Variants in SCIN observed in about 807,000 individuals in gnomAD.
The protein encoded by SCIN is scinderin.
SCIN carries 91 observed loss-of-function variants against 91.8 expected under a neutral mutation model. That is an observed-to-expected ratio of 0.99 (90% confidence interval 0.84 to 1.18). SCIN has a LOEUF of 1.18. SCIN is among the 50% of genes most tolerant of loss of function. SCIN has a pLI of 0.00. For synonymous variants in SCIN, 367 were observed against 312.6 expected (o/e 1.17, Z -1.84); for missense variants, 1,087 against 863.9 (o/e 1.26, Z -3.24).
At chr7:12,604,805 C>G in intron 4 of SCIN, 142 bp downstream of exon 4, 1 of 663,870 alleles carries the variant, frequency 1.5e-6, no homozygotes, top group Non-Finnish European at 2.4e-6. Flanking sequence ...AGCCTAGCTA[C>G]AATTAGTAAG....
intron 8 of SCIN, among the ~76,000 whole-genome samples, chr7:12,627,006 C>T (rs1583308532): frequency 6.6e-6 from 1 of 151,956 alleles, no homozygotes; most frequent in East Asian, 1.9e-4. Flanking sequence ...ATGAGAATCG[C>T]GTGAGCCTGG....
chr7:12,626,525 CAT>C, intron 7 of SCIN, 57 bp from the exon 8 acceptor site: 1 of 1,276,864 alleles, frequency 7.8e-7, no homozygotes, highest in East Asian at 2.5e-5. Context: ...CTGCCAGATT[CAT>C]ATTTTCCCTT....
At chr7:12,610,737 T>C (rs1043579067) in intron 4 of SCIN, among the ~76,000 whole-genome samples, 1 of 152,162 alleles carries the variant, frequency 6.6e-6, no homozygotes, top group Non-Finnish European at 1.5e-5. Flanking sequence ...AAAGGATAAT[T>C]CAAATATTCT....
At chr7:12,603,289 T>C (rs1259460868) in intron 3 of SCIN, among the ~76,000 whole-genome samples, 144 of 151,720 alleles carry the variant, frequency 9.5e-4, no homozygotes, top group African/African-American at 3.1e-3. Flanking sequence ...GGACTACAGG[T>C]GCCCGCCACT....
rs140964094 is a variant in SCIN at position 12,601,830 on chromosome 7, T to C, written c.517-2684T>C. 4.6e-5 allele frequency among the ~76,000 whole-genome samples: 7 copies of C among 152,346 alleles called. 1 individual carries two copies. The East Asian group carries it at 1.3e-3, about 29-fold the overall frequency. On this transcript the variant is annotated intron_variant, in intron 3 of 15. Transcript: ENST00000297029. ...TATATTATTCTATGTCTTTATTGTA[T>C]TCTTGATGATATACCTTCACTAATT...
At chr7:12,616,664 C>T (rs909244904) in intron 4 of SCIN, among the ~76,000 whole-genome samples, 1 of 152,068 alleles carries the variant, frequency 6.6e-6, no homozygotes, top group Non-Finnish European at 1.5e-5. Context: ...ATATTATAGA[C>T]ACGCAAGAAA....
At chr7:12,589,887 G>A (rs2115227075) in intron 3 of SCIN, among the ~76,000 whole-genome samples, 1 of 152,270 alleles carries the variant, frequency 6.6e-6, no homozygotes, top group Non-Finnish European at 1.5e-5. Context: ...TGAGGAAGGA[G>A]GGTGCTTTTG....
At chr7:12,611,507 T>C in intron 4 of SCIN, among the ~76,000 whole-genome samples, 1 of 152,264 alleles carries the variant, frequency 6.6e-6, no homozygotes. Flanking sequence ...TAGTTGTACA[T>C]TTAAATAAAG....
At chr7:12,588,744 T>C (rs73293093) in intron 3 of SCIN, among the ~76,000 whole-genome samples, 70,685 of 144,484 alleles carry the variant, frequency 0.49, 17,439 homozygotes, top group Middle Eastern at 0.58. Context: ...CTTGCTGTAG[T>C]GCCTAGATAA....
intron 11 of SCIN, among the ~76,000 whole-genome samples, chr7:12,641,618 T>C (rs1270804629): frequency 6.6e-6 from 1 of 152,176 alleles, no homozygotes; most frequent in Non-Finnish European, 1.5e-5. Context: ...CACACTCACA[T>C]GGTCCTATAC....
chr7:12,575,292 G>A (rs1273856587), intron 1 of SCIN, among the ~76,000 whole-genome samples: 1 of 144,216 alleles, frequency 6.9e-6, no homozygotes, highest in East Asian at 2.1e-4. Context: ...CAATATTGTT[G>A]TCTCTAAATA....
At chr7:12,640,725 A>G (rs976349191) in intron 11 of SCIN, among the ~76,000 whole-genome samples, 17 of 152,232 alleles carry the variant, frequency 1.1e-4, no homozygotes, top group Admixed American at 9.2e-4. Context: ...GCAATTTTCA[A>G]TTACATTGAA....
At chr7:12,577,966 T>A in intron 1 of SCIN, 98 bp from the exon 2 acceptor site, 1 of 1,059,618 alleles carries the variant, frequency 9.4e-7, no homozygotes, top group Middle Eastern at 2.1e-4. Flanking sequence ...GATTGATACA[T>A]AATTGAAATG....
chr7:12,623,229 T>A (rs1783446601), intron 5 of SCIN, among the ~76,000 whole-genome samples: 2 of 152,214 alleles, frequency 1.3e-5, no homozygotes, highest in African/African-American at 4.8e-5. Context: ...ATCAGCTTTT[T>A]CTTATAAATT....
intron 6 of SCIN, among the ~76,000 whole-genome samples, 171 bp downstream of exon 6, chr7:12,625,313 C>T (rs1366752227): frequency 6.6e-6 from 1 of 150,858 alleles, no homozygotes; most frequent in Non-Finnish European, 1.5e-5. Context: ...ACATCATATA[C>T]CAGGGATTAT....
At chr7:12,575,791 G>T (rs538653335) in intron 1 of SCIN, among the ~76,000 whole-genome samples, 1 of 152,204 alleles carries the variant, frequency 6.6e-6, no homozygotes, top group South Asian at 2.1e-4. Flanking sequence ...TTCTTAAGCA[G>T]ACTTTATACA....
intron 11 of SCIN, 61 bp from the exon 12 acceptor site, chr7:12,644,077 A>C (rs1783907130): frequency 2.1e-6 from 3 of 1,446,056 alleles, no homozygotes; most frequent in Admixed American, 2.0e-5. Flanking sequence ...CTTCTGGGAC[A>C]TGTTTATTGA....
intron 3 of SCIN, among the ~76,000 whole-genome samples, chr7:12,598,602 A>G (rs369518095): frequency 3.3e-5 from 5 of 152,324 alleles, no homozygotes; most frequent in East Asian, 3.9e-4. Context: ...GAATAAAAAC[A>G]GTGTTATCGG....
chr7:12,633,582 G>A (rs1007867318), intron 9 of SCIN, among the ~76,000 whole-genome samples: 5 of 152,148 alleles, frequency 3.3e-5, no homozygotes, highest in Non-Finnish European at 7.4e-5. Flanking sequence ...ATGTTTTGCA[G>A]GTTTGCTAGT....
Sources: gnomAD v4.1 joint callset for allele counts (sites outside exome capture counted in the v4.1 genomes callset) on GRCh38, gnomAD v4.1.1 for gene constraint, MANE v1.5 for transcripts, NCBI Gene and HGNC (gene_info 2026-07-23, HGNC 2026-07-21) for gene names.